Variants in RGS6 observed in about 807,000 individuals in gnomAD.
The protein encoded by RGS6 is regulator of G protein signaling 6, also known as regulator of G-protein signaling 6.
RGS6 carries 30 observed loss-of-function variants against 78.5 expected under a neutral mutation model. The observed-to-expected ratio is 0.38, with a 90% CI of 0.29 to 0.52. The LOEUF (loss-of-function observed/expected upper bound fraction) is 0.52. Ranked by LOEUF, RGS6 falls within the 20% of genes least tolerant of loss-of-function variation. RGS6 has a pLI of 0.85. For missense variants in RGS6, 495 were observed against 609.7 expected (o/e 0.81, Z 1.98); for synonymous variants, 206 against 206.0 (o/e 1.00, Z 0.00).
chr14:72,481,190 G>T, intron 12 of RGS6, among the ~76,000 whole-genome samples: 1 of 152,126 alleles, frequency 6.6e-6, no homozygotes. Context: ...TAAATTATAG[G>T]ATTAATGAGT....
intron 2 of RGS6, among the ~76,000 whole-genome samples, chr14:72,287,100 T>C (rs1187643115): frequency 1.3e-5 from 2 of 152,214 alleles, no homozygotes; most frequent in Non-Finnish European, 2.9e-5. Context: ...GTTTTCTTAA[T>C]TTCCTTTTCA....
intron 2 of RGS6, among the ~76,000 whole-genome samples, chr14:72,019,795 G>A (rs1445885711): frequency 6.6e-6 from 1 of 152,152 alleles, no homozygotes; most frequent in East Asian, 1.9e-4. Context: ...CTCAGTTAAT[G>A]ACTGGGGATG....
the RGS6 span, among the ~76,000 whole-genome samples, chr14:72,621,140 CAAAAA>C: frequency 3.3e-5 from 4 of 122,058 alleles, no homozygotes; most frequent in Non-Finnish European, 3.5e-5. Context: ...GACTCTGTCT[CAAAAA>C]AAAAAAAAAA....
chr14:72,508,591 T>TA (rs2096840058), intron 13 of RGS6, among the ~76,000 whole-genome samples: 9 of 122,432 alleles, frequency 7.4e-5, no homozygotes, highest in African/African-American at 2.8e-4. Flanking sequence ...TTTTTTTTTT[T>TA]TTACTAAGTG....
intron 2 of RGS6, among the ~76,000 whole-genome samples, chr14:72,079,185 CT>C (rs1201636213): frequency 6.6e-6 from 1 of 151,604 alleles, no homozygotes; most frequent in Non-Finnish European, 1.5e-5. Flanking sequence ...TTTTTTCCCC[CT>C]ATTTCTTCCT....
chr14:72,038,314 A>T (rs1319483894), intron 2 of RGS6, among the ~76,000 whole-genome samples: 2 of 152,156 alleles, frequency 1.3e-5, no homozygotes, highest in Non-Finnish European at 2.9e-5. Flanking sequence ...AGAAACCTTG[A>T]TGAAGTGGAA....
At chr14:72,338,143 G>A (rs1342341557) in intron 2 of RGS6, among the ~76,000 whole-genome samples, 1 of 152,172 alleles carries the variant, frequency 6.6e-6, no homozygotes, top group African/African-American at 2.4e-5. Flanking sequence ...CCATGTAATG[G>A]AACTTGGGCC....
At chr14:72,176,770 A>G (rs1385720607) in intron 2 of RGS6, among the ~76,000 whole-genome samples, 1 of 152,178 alleles carries the variant, frequency 6.6e-6, no homozygotes, top group Non-Finnish European at 1.5e-5. Context: ...TATAAAGTCC[A>G]CTAATCTTGT....
chr14:72,414,681 A>G (rs1183237119), intron 3 of RGS6, among the ~76,000 whole-genome samples: 1 of 151,416 alleles, frequency 6.6e-6, no homozygotes, highest in Non-Finnish European at 1.5e-5. Flanking sequence ...TTTTTCCCCC[A>G]TCTTTGTGGT....
intron 1 of RGS6, among the ~76,000 whole-genome samples, chr14:71,937,851 C>A (rs1449829112): frequency 6.6e-6 from 1 of 152,228 alleles, no homozygotes; most frequent in Non-Finnish European, 1.5e-5. Flanking sequence ...GTATAATCAA[C>A]CTGCCACCAG....
chr14:72,268,255 G>A (rs1160903039), intron 2 of RGS6, among the ~76,000 whole-genome samples: 8 of 152,136 alleles, frequency 5.3e-5, no homozygotes, highest in East Asian at 3.8e-4. Flanking sequence ...TTCGTTAACC[G>A]AAGAACAAGC....
chr14:72,224,236 T>C (rs1399199320), intron 2 of RGS6, among the ~76,000 whole-genome samples: 1 of 152,086 alleles, frequency 6.6e-6, no homozygotes, highest in Non-Finnish European at 1.5e-5. Flanking sequence ...CTGGGCAACA[T>C]GGTGAAACCC....
the RGS6 span, among the ~76,000 whole-genome samples, chr14:72,626,225 A>G: frequency 2.6e-4 from 40 of 152,150 alleles, 1 homozygote; most frequent in African/African-American, 9.4e-4. Context: ...GCTATACAAG[A>G]AAGTATTCTC....
At chr14:72,218,924 A>G (rs1336694062) in intron 2 of RGS6, among the ~76,000 whole-genome samples, 1 of 151,984 alleles carries the variant, frequency 6.6e-6, no homozygotes, top group Non-Finnish European at 1.5e-5. Context: ...TATTTATTAC[A>G]TATTATTGAT....
intron 17 of RGS6, 132 bp from the exon 18 acceptor site, chr14:72,562,285 G>C: frequency 2.5e-6 from 2 of 808,108 alleles, no homozygotes; most frequent in South Asian, 3.2e-5. Context: ...CAAATATCAA[G>C]ATGGTCAGTT....
intron 4 of RGS6, among the ~76,000 whole-genome samples, chr14:72,457,084 T>TAAAAAA (rs747066432): frequency 1.3e-4 from 11 of 82,130 alleles, no homozygotes; most frequent in African/African-American, 4.6e-4. Flanking sequence ...GACCTGTCTC[T>TAAAAAA]AAAAAAAAAA....
At position 72,420,705 on chromosome 14, in the gene RGS6, C is replaced by CA. The variant is rs2094128642; in HGVS notation, c.185-33821dup. On this transcript the variant is annotated intron_variant, in intron 3 of 17. Transcript: ENST00000553525. The stretch of plus-strand genomic sequence containing the variant: ...CCTTCACTAGTAATTTAGCTGCTAC[C>CA]AAGGTATCCCTGAGCCCTCATTATT... Among the ~76,000 whole-genome samples, 5 of 152,270 alleles carry CA rather than the reference C, an allele frequency of 3.3e-5. No homozygotes were observed. The South Asian group carries it at 1.0e-3, about 32-fold the overall frequency.
At chr14:72,049,406 G>A (rs369715012) in intron 2 of RGS6, among the ~76,000 whole-genome samples, 1 of 152,126 alleles carries the variant, frequency 6.6e-6, no homozygotes, top group African/African-American at 2.4e-5. Flanking sequence ...TGAGGGCTTC[G>A]AGCCACAAGT....
the RGS6 span, among the ~76,000 whole-genome samples, chr14:71,922,021 A>AT: frequency 6.6e-6 from 1 of 152,022 alleles, no homozygotes; most frequent in Non-Finnish European, 1.5e-5. Context: ...AATCCCACCT[A>AT]TTTTTTATTC....
Sources: allele counts gnomAD v4.1 joint callset (sites outside exome capture counted in the v4.1 genomes callset), GRCh38; gene constraint gnomAD v4.1.1; transcripts MANE v1.5; gene names NCBI Gene and HGNC (gene_info 2026-07-23, HGNC 2026-07-21).